Variants in DIAPH1 observed in about 807,000 individuals in gnomAD.
The protein encoded by DIAPH1 is protein diaphanous homolog 1.
DIAPH1 carries 46 observed loss-of-function variants against 140.7 expected under a neutral mutation model. The observed-to-expected ratio is 0.33, with a 90% CI of 0.26 to 0.42. DIAPH1 has a LOEUF of 0.42. Among genes scored for constraint, DIAPH1 ranks in the 10% least tolerant of loss-of-function variants. The pLI is 1.00. For missense variants in DIAPH1, 1,310 were observed against 1,558.7 expected, an observed-to-expected ratio of 0.84 and a Z score of 2.69; for synonymous variants, 565 against 551.6, an observed-to-expected ratio of 1.02 and a Z score of -0.34.
chr5:141,527,979 G>C (rs1596338866), intron 23 of DIAPH1, among the ~76,000 whole-genome samples: 1 of 152,144 alleles, frequency 6.6e-6, no homozygotes, highest in Admixed American at 6.5e-5. Context: ...AATTTAACAT[G>C]AATCTATGAA....
intron 1 of DIAPH1, among the ~76,000 whole-genome samples, chr5:141,605,790 A>G (rs1270401786): frequency 6.6e-6 from 1 of 152,082 alleles, no homozygotes; most frequent in East Asian, 1.9e-4. Context: ...AGGGCAGCCC[A>G]ATGCCTGCTG....
At chr5:141,599,326 T>C (rs2099899789) in intron 1 of DIAPH1, among the ~76,000 whole-genome samples, 1 of 152,230 alleles carries the variant, frequency 6.6e-6, no homozygotes, top group Non-Finnish European at 1.5e-5. Flanking sequence ...AAACCCACAC[T>C]GTAAGCCTGT....
At chr5:141,567,106 G>T (rs986484727) in intron 18 of DIAPH1, among the ~76,000 whole-genome samples, 2 of 152,118 alleles carry the variant, frequency 1.3e-5, no homozygotes, top group Admixed American at 1.3e-4. Context: ...GAACCTTATC[G>T]CAATTAAACT....
intron 18 of DIAPH1, among the ~76,000 whole-genome samples, chr5:141,567,764 A>G (rs1005285644): frequency 6.6e-5 from 10 of 152,248 alleles, no homozygotes; most frequent in African/African-American, 2.4e-4. Flanking sequence ...TTTTTGGGAA[A>G]GGGGCTCCTG....
intron 18 of DIAPH1, among the ~76,000 whole-genome samples, chr5:141,535,103 C>A (rs554247245): frequency 1.4e-4 from 22 of 152,134 alleles, no homozygotes; most frequent in Non-Finnish European, 2.8e-4. Flanking sequence ...GTGCAGGCCA[C>A]CACGCCCGGC....
chr5:141,574,352 C>T (rs1328860679), intron 15 of DIAPH1, 144 bp from the exon 16 acceptor site: 1 of 802,890 alleles, frequency 1.2e-6, no homozygotes, highest in Non-Finnish European at 2.0e-6. Context: ...GACATGATCA[C>T]CTAAAGTCAC....
chr5:141,524,384 T>G (rs954221553), intron 26 of DIAPH1, 155 bp from the exon 27 acceptor site: 2 of 719,522 alleles, frequency 2.8e-6, no homozygotes, highest in African/African-American at 3.5e-5. Context: ...GCCTTAAGTC[T>G]CACACGCTCA....
intron 18 of DIAPH1, among the ~76,000 whole-genome samples, chr5:141,541,043 T>C (rs1311262607): frequency 6.6e-6 from 1 of 151,910 alleles, no homozygotes; most frequent in East Asian, 2.0e-4. Flanking sequence ...TTGGGCTATT[T>C]CATCAAATAT....
Position 141,518,519 on chromosome 5 carries a change from G to A in DIAPH1, c.3662-1511C>T, listed in dbSNP as rs556133028. On this transcript the variant is annotated intron_variant, in intron 27 of 27. Transcript: ENST00000389054. ...GGTAGGCAGAAGCCAAACAGGATCAGATAGCCCGTCTTTTTTTTTTTTTTT... is the reference window on the plus strand; with the variant it reads ...GGTAGGCAGAAGCCAAACAGGATCAAATAGCCCGTCTTTTTTTTTTTTTTT... 1.2e-4 allele frequency: 18 copies of A among 146,626 alleles called. No individual in the cohort carries two copies. In the South Asian group the frequency reaches 2.8e-3, roughly 23 times the overall value. The allele number at this position is 146,626 out of a possible 1,614,324, so 9.1% of individuals were successfully genotyped here.
At chr5:141,615,367 A>AGGTTGC (rs2099902502) in intron 1 of DIAPH1, among the ~76,000 whole-genome samples, 1 of 134,496 alleles carries the variant, frequency 7.4e-6, no homozygotes, top group South Asian at 2.5e-4. Context: ...CGGGAGGTGG[A>AGGTTGC]GGTTGCAGTG....
intron 18 of DIAPH1, among the ~76,000 whole-genome samples, chr5:141,550,844 A>C (rs2154595622): frequency 6.6e-6 from 1 of 152,276 alleles, no homozygotes; most frequent in East Asian, 1.9e-4. Flanking sequence ...CTGGACCTCA[A>C]TTATGTTAAT....
chr5:141,604,945 T>C (rs1329744163), intron 1 of DIAPH1, among the ~76,000 whole-genome samples: 1 of 152,168 alleles, frequency 6.6e-6, no homozygotes, highest in Non-Finnish European at 1.5e-5. Context: ...AATATAAGTG[T>C]TAAAATAAGG....
chr5:141,617,963 G>C (rs2099902949), intron 1 of DIAPH1, among the ~76,000 whole-genome samples: 1 of 152,230 alleles, frequency 6.6e-6, no homozygotes, highest in Non-Finnish European at 1.5e-5. Context: ...GTTATCATGG[G>C]AAATGTATAA....
chr5:141,556,937 C>A (rs942577798), intron 18 of DIAPH1, among the ~76,000 whole-genome samples: 1 of 152,168 alleles, frequency 6.6e-6, no homozygotes, highest in Non-Finnish European at 1.5e-5. Context: ...TCACGTGATC[C>A]GCCCGCCTCG....
chr5:141,582,429 AT>A, intron 6 of DIAPH1, 54 bp from the exon 7 acceptor site: 1 of 1,331,040 alleles, frequency 7.5e-7, no homozygotes, highest in Non-Finnish European at 1.1e-6. Flanking sequence ...CCCCTTTCCC[AT>A]TTTTAATCTT....
At chr5:141,581,658 T>C (rs1562328581) in intron 7 of DIAPH1, among the ~76,000 whole-genome samples, 1 of 151,556 alleles carries the variant, frequency 6.6e-6, no homozygotes, top group Non-Finnish European at 1.5e-5. Context: ...AAAAAGAAGA[T>C]AAAAATGGAG....
chr5:141,527,442 T>G, intron 24 of DIAPH1, 131 bp downstream of exon 24: 1 of 989,374 alleles, frequency 1.0e-6, no homozygotes, highest in Non-Finnish European at 1.5e-6. Context: ...CAAAAAACTA[T>G]GTATTTAAAG....
At position 141,562,235 on chromosome 5, in the gene DIAPH1, A is replaced by C. The variant is rs1370439226; in HGVS notation, c.2482+9193T>G. Among the ~76,000 whole-genome samples the C allele has an allele frequency of 2.0e-5, 3 of 149,846 alleles. No homozygotes were observed. The East Asian group carries it at 5.8e-4, about 29-fold the overall frequency. On this transcript the variant is annotated intron_variant, in intron 18 of 27. Coordinates refer to ENST00000389054, the MANE Select transcript of DIAPH1 (RefSeq NM_005219.5). ...GCTACTGTTTCAAAAAAAAAAAAGA[A>C]CAATTATTTCATTACTCTACTTTTG...
chr5:141,529,737 C>T (rs2099887913), intron 19 of DIAPH1, 40 bp from the exon 20 acceptor site: 1 of 1,561,016 alleles, frequency 6.4e-7, no homozygotes, highest in African/African-American at 1.4e-5. Flanking sequence ...TCTTCTCGGT[C>T]TGTTCCCGCT....
Sources: gnomAD v4.1 joint callset for allele counts (sites outside exome capture counted in the v4.1 genomes callset) on GRCh38, gnomAD v4.1.1 for gene constraint, MANE v1.5 for transcripts, NCBI Gene and HGNC (gene_info 2026-07-23, HGNC 2026-07-21) for gene names.